Variants in SIK3 observed in about 807,000 individuals in gnomAD.
The protein encoded by SIK3 is SIK family kinase 3.
Under a neutral mutation model 144.2 loss-of-function variants are expected in SIK3, and 28 were observed. The ratio of observed to expected loss-of-function variants is 0.19; its 90% CI spans 0.14 to 0.27. The LOEUF (loss-of-function observed/expected upper bound fraction) is 0.27, where lower values mean the gene tolerates loss of function less well. Among genes scored for constraint, SIK3 ranks in the 10% least tolerant of loss-of-function variants. The probability of loss-of-function intolerance (pLI) is 1.00; values close to 1 mark genes in which losing one functional copy is unlikely to be tolerated. For missense variants in SIK3, 1,319 were observed against 1,776.0 expected (o/e 0.74, Z 4.62); for synonymous variants, 686 against 676.3 (o/e 1.01, Z -0.22).
chr11:117,075,208 T>C (rs531470321), intron 1 of SIK3, among the ~76,000 whole-genome samples: 31 of 152,340 alleles, frequency 2.0e-4, no homozygotes, highest in African/African-American at 7.5e-4. Context: ...GGGGTATGTG[T>C]GAACAGGATA....
intron 1 of SIK3, among the ~76,000 whole-genome samples, chr11:117,075,840 CTTTTT>C (rs1037271983): frequency 2.9e-4 from 12 of 40,918 alleles, no homozygotes; most frequent in African/African-American, 1.8e-3. Context: ...CCAAGCCTGG[CTTTTT>C]TTTTTTTTTT....
rs187366125 is a variant in SIK3 at position 117,050,547 on chromosome 11, G to A, written c.273+47596C>T. ...CTAAAAATACAAAAATTAGCCAGGC[G>A]TGGTGGCACACGCCTGTAATCCCAG... On this transcript the variant is annotated intron_variant, in intron 1 of 24. Coordinates refer to ENST00000445177, the MANE Select transcript of SIK3 (RefSeq NM_001366686.3). Among the ~76,000 whole-genome samples the A allele has an allele frequency of 4.6e-5, 7 of 150,768 alleles. No homozygotes were observed. The South Asian group carries it at 1.3e-3, about 27-fold the overall frequency.
intron 1 of SIK3, among the ~76,000 whole-genome samples, chr11:117,031,366 CT>C (rs778165535): frequency 2.0e-3 from 285 of 139,486 alleles, no homozygotes; most frequent in Non-Finnish European, 2.9e-3. Flanking sequence ...TCCTTTTTTC[CT>C]TTTTTTTTTT....
intron 1 of SIK3, among the ~76,000 whole-genome samples, chr11:117,012,849 CTTTTTTT>C (rs10652499): frequency 1.0e-5 from 1 of 96,066 alleles, no homozygotes; most frequent in African/African-American, 4.2e-5. Flanking sequence ...GCCATTACTG[CTTTTTTT>C]TTTTTTTTTT....
intron 2 of SIK3, among the ~76,000 whole-genome samples, chr11:116,954,640 C>T (rs1949073538): frequency 6.6e-6 from 1 of 152,058 alleles, no homozygotes; most frequent in South Asian, 2.1e-4. Context: ...ATTTAAAATA[C>T]TCAACCTTTT....
chr11:116,975,213 T>C (rs146189749), intron 1 of SIK3, among the ~76,000 whole-genome samples: 124 of 141,778 alleles, frequency 8.7e-4, no homozygotes, highest in African/African-American at 3.1e-3. Flanking sequence ...TATTGAGATA[T>C]TCACATACCA....
At chr11:116,998,973 A>C (rs1950763007) in intron 1 of SIK3, among the ~76,000 whole-genome samples, 1 of 152,256 alleles carries the variant, frequency 6.6e-6, no homozygotes, top group South Asian at 2.1e-4. Flanking sequence ...ATTTTGAGTA[A>C]GTTAAGATAA....
intron 1 of SIK3, among the ~76,000 whole-genome samples, chr11:117,042,284 C>T (rs1451278119): frequency 6.6e-6 from 1 of 152,136 alleles, no homozygotes; most frequent in Non-Finnish European, 1.5e-5. Context: ...CAGACAGGTC[C>T]TATATGTTCT....
intron 1 of SIK3, among the ~76,000 whole-genome samples, chr11:117,073,721 C>T (rs7935834): frequency 2.0e-5 from 3 of 151,934 alleles, no homozygotes; most frequent in Admixed American, 6.6e-5. Context: ...CAGCTTCACA[C>T]GTCCTTGTCT....
intron 14 of SIK3, 133 bp downstream of exon 14, chr11:116,870,198 T>C: frequency 1.3e-6 from 2 of 1,546,878 alleles, no homozygotes; most frequent in Non-Finnish European, 1.7e-6. Flanking sequence ...GAACATGCCA[T>C]CTGGCTTGAG....
intron 4 of SIK3, among the ~76,000 whole-genome samples, chr11:116,918,277 G>A (rs1425754747): frequency 6.6e-6 from 1 of 152,044 alleles, no homozygotes; most frequent in East Asian, 1.9e-4. Flanking sequence ...CAGATGCTTT[G>A]GTAGGTCAGA....
intron 1 of SIK3, among the ~76,000 whole-genome samples, chr11:117,035,385 A>T (rs1044435566): frequency 6.6e-6 from 1 of 152,220 alleles, no homozygotes; most frequent in African/African-American, 2.4e-5. Context: ...TGATTCTATC[A>T]ATTCATTAAT....
At chr11:116,863,010 G>A (rs1302197587) in intron 16 of SIK3, among the ~76,000 whole-genome samples, 2 of 151,462 alleles carry the variant, frequency 1.3e-5, no homozygotes, top group African/African-American at 4.9e-5. Flanking sequence ...GGAGGCGGAC[G>A]ATGCAGTGAG....
chr11:116,869,113 G>A (rs1382288901), intron 14 of SIK3: 1 of 152,106 alleles, frequency 6.6e-6, no homozygotes, highest in East Asian at 1.9e-4. Context: ...ATTTCTTCAT[G>A]ACCCAGTAGG....
chr11:116,871,275 A>G (rs548963599), intron 13 of SIK3, among the ~76,000 whole-genome samples: 1 of 151,178 alleles, frequency 6.6e-6, no homozygotes, highest in Non-Finnish European at 1.5e-5. Flanking sequence ...AGTATTTTAC[A>G]AAATGGCTAA....
chr11:116,890,975 T>C (rs1945071635), intron 6 of SIK3, among the ~76,000 whole-genome samples: 1 of 152,146 alleles, frequency 6.6e-6, no homozygotes, highest in African/African-American at 2.4e-5. Flanking sequence ...TAAAATGGAA[T>C]AGAATAAAAT....
At chr11:117,061,343 G>A (rs1296984924) in intron 1 of SIK3, among the ~76,000 whole-genome samples, 2 of 152,184 alleles carry the variant, frequency 1.3e-5, no homozygotes, top group Admixed American at 1.3e-4. Context: ...GTGTGTGTGT[G>A]AGCGAACACG....
intron 1 of SIK3, among the ~76,000 whole-genome samples, chr11:116,985,863 T>C (rs1318307569): frequency 6.6e-6 from 1 of 152,220 alleles, no homozygotes; most frequent in African/African-American, 2.4e-5. Context: ...CATTTTTCCC[T>C]ACATAGAAAT....
chr11:116,862,499 A>T (rs1261307609), intron 16 of SIK3, among the ~76,000 whole-genome samples, 172 bp from the exon 17 acceptor site: 1 of 152,204 alleles, frequency 6.6e-6, no homozygotes, highest in Non-Finnish European at 1.5e-5. Flanking sequence ...CACTAAATAG[A>T]TTCACATCCT....
Sources: gnomAD v4.1 joint callset for allele counts (sites outside exome capture counted in the v4.1 genomes callset) on GRCh38, gnomAD v4.1.1 for gene constraint, MANE v1.5 for transcripts, NCBI Gene and HGNC (gene_info 2026-07-23, HGNC 2026-07-21) for gene names.